RBFOX1: variants seen among roughly 807,000 people sequenced by gnomAD.
RBFOX1 encodes the protein RNA binding fox-1 homolog 1.
RBFOX1 carries 8 observed loss-of-function variants against 57.7 expected under a neutral mutation model. The ratio of observed to expected loss-of-function variants is 0.14; its 90% CI spans 0.08 to 0.25. The LOEUF (loss-of-function observed/expected upper bound fraction) is 0.25, where lower values mean the gene tolerates loss of function less well. RBFOX1 is among the 10% of genes least tolerant of loss of function. The probability of loss-of-function intolerance (pLI) is 1.00; values close to 1 mark genes in which losing one functional copy is unlikely to be tolerated. For synonymous variants in RBFOX1, 326 were observed against 222.4 expected (o/e 1.47, Z -4.15); for missense variants, 611 against 548.5 (o/e 1.11, Z -1.14).
At chr16:5,786,000 A>G (rs1490425511) in intron 3 of RBFOX1, among the ~76,000 whole-genome samples, 2 of 151,888 alleles carry the variant, frequency 1.3e-5, no homozygotes, top group African/African-American at 4.8e-5. Flanking sequence ...CCATTTCTCC[A>G]TTGGACCACC....
chr16:7,024,764 A>G lies in RBFOX1; in HGVS notation c.-15-27293A>G, dbSNP rs74008509. Among the ~76,000 whole-genome samples the G allele has an allele frequency of 9.1e-3, 1,385 of 152,222 alleles. 23 individuals carry two copies. The highest frequency in any genetic ancestry group is 0.031 in the African/African-American group (1,308 of 41,526). On this transcript the variant is annotated intron_variant, in intron 3 of 15. Transcript: ENST00000550418. ...TGATTGTCTTTCAGACAGTGCATTC[A>G]ATGTTGAGTTCAGAGCCATTCCCTG...
chr16:5,958,842 T>C (rs1164920158), intron 4 of RBFOX1, among the ~76,000 whole-genome samples: 1 of 152,196 alleles, frequency 6.6e-6, no homozygotes, highest in Admixed American at 6.5e-5. Flanking sequence ...TGCATATTAC[T>C]AACCTTGGTT....
chr16:6,420,729 A>G (rs1280374308), intron 2 of RBFOX1, among the ~76,000 whole-genome samples: 3 of 152,250 alleles, frequency 2.0e-5, no homozygotes, highest in Non-Finnish European at 4.4e-5. Flanking sequence ...TACAATTGAC[A>G]GCCTTTGAAC....
Position 5,401,857 on chromosome 16 carries a change from C to T in RBFOX1, c.220-65359C>T, listed in dbSNP as rs191499807. Among the ~76,000 whole-genome samples, 268 of 151,536 alleles carry T rather than the reference C, an allele frequency of 1.8e-3. 1 individual carries two copies. Among genetic ancestry groups the T allele is most frequent in the African/African-American group, 6.2e-3 (258 of 41,306 alleles). ...CTCATCATCATTTCTGTCTCTGTCTCTCGTCATCGTCGTCGTCATTTCTGT... is the reference window on the plus strand; with the variant it reads ...CTCATCATCATTTCTGTCTCTGTCTTTCGTCATCGTCGTCGTCATTTCTGT... On this transcript the variant is annotated intron_variant, in intron 1 of 2. Transcript: ENST00000585867.
At chr16:6,356,357 A>C (rs2087316947) in intron 2 of RBFOX1, among the ~76,000 whole-genome samples, 2 of 152,210 alleles carry the variant, frequency 1.3e-5, no homozygotes, top group African/African-American at 4.8e-5. Context: ...TTGATCACTT[A>C]ACCCCAGGAG....
chr16:6,997,963 A>G (rs541677396), intron 3 of RBFOX1, among the ~76,000 whole-genome samples: 1 of 152,104 alleles, frequency 6.6e-6, no homozygotes, highest in South Asian at 2.1e-4. Flanking sequence ...TTTCGTAATC[A>G]TTTAAACAGC....
intron 2 of RBFOX1, among the ~76,000 whole-genome samples, chr16:5,575,741 A>G (rs2046429936): frequency 1.3e-5 from 2 of 152,170 alleles, no homozygotes; most frequent in Non-Finnish European, 2.9e-5. Context: ...TCCCTGTCCA[A>G]ATAGGAAGAA....
intron 3 of RBFOX1, among the ~76,000 whole-genome samples, chr16:5,818,612 T>G (rs1264236364): frequency 1.3e-5 from 2 of 152,236 alleles, no homozygotes; most frequent in Non-Finnish European, 2.9e-5. Flanking sequence ...TTTGTTAGTT[T>G]TGACGAGAAA....
intron 14 of RBFOX1, among the ~76,000 whole-genome samples, chr16:7,705,327 A>C (rs914887797): frequency 6.6e-6 from 1 of 152,046 alleles, no homozygotes; most frequent in African/African-American, 2.4e-5. Flanking sequence ...TAACACAGTG[A>C]AGCCCCATAT....
chr16:7,573,776 A>G (rs1044576107), intron 5 of RBFOX1, among the ~76,000 whole-genome samples: 1 of 151,960 alleles, frequency 6.6e-6, no homozygotes, highest in Non-Finnish European at 1.5e-5. Context: ...CAGAGGTTGC[A>G]GTGAGGTAAG....
At chr16:5,709,442 G>A (rs575972668) in intron 3 of RBFOX1, among the ~76,000 whole-genome samples, 28 of 152,120 alleles carry the variant, frequency 1.8e-4, no homozygotes, top group African/African-American at 2.7e-4. Context: ...ACAGATTTTC[G>A]TGATGGCATG....
intron 2 of RBFOX1, among the ~76,000 whole-genome samples, chr16:6,598,999 C>A (rs147319453): frequency 1.3e-5 from 2 of 151,994 alleles, no homozygotes; most frequent in Non-Finnish European, 2.9e-5. Context: ...AGTGTCAGCA[C>A]GTAAGGTGAC....
At chr16:6,802,705 G>C (rs778971991) in intron 3 of RBFOX1, among the ~76,000 whole-genome samples, 2 of 152,140 alleles carry the variant, frequency 1.3e-5, no homozygotes, top group Non-Finnish European at 2.9e-5. Context: ...CATGTTATTT[G>C]ATGGTTTTTA....
chr16:7,327,260 T>G (rs2143810563), intron 4 of RBFOX1, among the ~76,000 whole-genome samples: 1 of 152,276 alleles, frequency 6.6e-6, no homozygotes, highest in South Asian at 2.1e-4. Context: ...AATGGAAAAG[T>G]GGATTCACAG....
intron 14 of RBFOX1, among the ~76,000 whole-genome samples, chr16:7,706,738 C>G (rs1036001653): frequency 6.6e-6 from 1 of 152,068 alleles, no homozygotes; most frequent in African/African-American, 2.4e-5. Flanking sequence ...TAAAAATAAC[C>G]CTATTAACAG....
At chr16:7,098,079 A>T (rs1338272050) in intron 4 of RBFOX1, among the ~76,000 whole-genome samples, 2 of 152,248 alleles carry the variant, frequency 1.3e-5, no homozygotes, top group Non-Finnish European at 2.9e-5. Flanking sequence ...TTAAAAGGCT[A>T]ATCAAACAGG....
chr16:6,194,110 C>T (rs1033018276), intron 1 of RBFOX1, among the ~76,000 whole-genome samples: 1 of 152,170 alleles, frequency 6.6e-6, no homozygotes, highest in African/African-American at 2.4e-5. Flanking sequence ...ATCTGGTCAT[C>T]ATTTCATACC....
chr16:5,532,182 G>A (rs1394073260), intron 2 of RBFOX1, among the ~76,000 whole-genome samples: 1 of 152,152 alleles, frequency 6.6e-6, no homozygotes, highest in African/African-American at 2.4e-5. Flanking sequence ...CTTGGTCATG[G>A]TTGGGGTTGT....
chr16:7,173,037 A>G (rs775906003), intron 4 of RBFOX1, among the ~76,000 whole-genome samples: 3 of 152,336 alleles, frequency 2.0e-5, no homozygotes, highest in Non-Finnish European at 4.4e-5. Context: ...ATTTCCTGGT[A>G]GAAATAAGAT....
Sources: gnomAD v4.1 joint callset for allele counts (sites outside exome capture counted in the v4.1 genomes callset) on GRCh38, gnomAD v4.1.1 for gene constraint, MANE v1.5 for transcripts, NCBI Gene and HGNC (gene_info 2026-07-23, HGNC 2026-07-21) for gene names.